Variants in QTGAL observed in about 807,000 individuals in gnomAD.
QTGAL encodes the protein BGnT-like protein 1.
At chr17:83,050,547 GA>G in the QTGAL span, among the ~76,000 whole-genome samples, 1 of 151,602 alleles carries the variant, frequency 6.6e-6, no homozygotes, top group Non-Finnish European at 1.5e-5. Context: ...AGTAAGACTG[GA>G]ATAAAAAAGA....
the QTGAL span, among the ~76,000 whole-genome samples, chr17:83,045,354 G>A: frequency 6.6e-6 from 1 of 152,172 alleles, no homozygotes; most frequent in African/African-American, 2.4e-5. Context: ...CTTTTAAATG[G>A]TGTTGGAAAA....
chr17:82,962,588 G>A, the QTGAL span, among the ~76,000 whole-genome samples: 4 of 121,782 alleles, frequency 3.3e-5, no homozygotes, highest in African/African-American at 1.1e-4. Context: ...TGTGGGTGCT[G>A]GTGGGCACGG....
At chr17:82,987,160 T>C in the QTGAL span, among the ~76,000 whole-genome samples, 3 of 152,248 alleles carry the variant, frequency 2.0e-5, no homozygotes, top group Non-Finnish European at 2.9e-5. Context: ...TACCCTAATA[T>C]AGTTATTACA....
the QTGAL span, among the ~76,000 whole-genome samples, chr17:82,964,316 C>A: frequency 2.1e-5 from 3 of 143,954 alleles, no homozygotes; most frequent in African/African-American, 7.7e-5. Context: ...ATTACAAAAT[C>A]CTTAAGAGAA....
At chr17:83,011,421 G>A in the QTGAL span, 7 of 152,296 alleles carry the variant, frequency 4.6e-5, no homozygotes, top group African/African-American at 1.7e-4. Flanking sequence ...AGAAAACAAC[G>A]ACCAAGTACA....
the QTGAL span, among the ~76,000 whole-genome samples, chr17:82,950,229 A>G: frequency 2.6e-5 from 4 of 152,114 alleles, no homozygotes; most frequent in African/African-American, 9.7e-5. Flanking sequence ...ACAAGGAGGA[A>G]CCTCTTTTCC....
the QTGAL span, among the ~76,000 whole-genome samples, chr17:83,010,275 G>A: frequency 1.3e-5 from 2 of 152,174 alleles, no homozygotes; most frequent in African/African-American, 4.8e-5. Flanking sequence ...CCTGAGCAGC[G>A]ATGTTGAAGG....
chr17:82,958,905 A>C, the QTGAL span, among the ~76,000 whole-genome samples: 1 of 64,062 alleles, frequency 1.6e-5, no homozygotes, highest in Non-Finnish European at 2.6e-5. Context: ...GTGTGTGTGT[A>C]TACTGTGTGG....
the QTGAL span, among the ~76,000 whole-genome samples, chr17:83,021,700 C>T: frequency 6.6e-6 from 1 of 152,128 alleles, no homozygotes; most frequent in East Asian, 1.9e-4. Context: ...AAAACCAACA[C>T]AACCATTTTG....
chr17:83,006,581 G>GC, the QTGAL span: 1 of 985,420 alleles, frequency 1.0e-6, no homozygotes, highest in Non-Finnish European at 1.2e-6. The surrounding 1 kb of genome is among the most constrained non-coding windows in gnomAD (Gnocchi z 5.8). Context: ...GCCCCTTACA[G>GC]CCACTGGCAG....
At chr17:83,051,749 C>T in the QTGAL span, 1 of 1,497,672 alleles carries the variant, frequency 6.7e-7, no homozygotes, top group Non-Finnish European at 8.8e-7. Context: ...CGTGGGCCTG[C>T]ATGGCCTGGC....
chr17:83,031,646 C>T, the QTGAL span, among the ~76,000 whole-genome samples: 2 of 152,250 alleles, frequency 1.3e-5, no homozygotes, highest in Non-Finnish European at 2.9e-5. Flanking sequence ...GAGGACAAGC[C>T]GTCTAGGCAG....
chr17:82,976,571 G>C, the QTGAL span, among the ~76,000 whole-genome samples: 1 of 101,260 alleles, frequency 9.9e-6, no homozygotes, highest in Non-Finnish European at 2.0e-5. Context: ...GCCACTTATG[G>C]GGAACAAGGG....
the QTGAL span, among the ~76,000 whole-genome samples, chr17:82,988,207 T>C: frequency 3.3e-5 from 5 of 152,180 alleles, no homozygotes; most frequent in African/African-American, 1.2e-4. Flanking sequence ...TAGGATCATG[T>C]TGTCTGCAAA....
the QTGAL span, among the ~76,000 whole-genome samples, chr17:83,025,743 G>A: frequency 1.3e-5 from 2 of 152,248 alleles, no homozygotes; most frequent in South Asian, 2.1e-4. Context: ...GGAGATCACA[G>A]AGACACAGTA....
chr17:83,036,088 C>T, the QTGAL span, among the ~76,000 whole-genome samples: 9 of 152,172 alleles, frequency 5.9e-5, no homozygotes, highest in Admixed American at 2.6e-4. Context: ...TACTGTGCGG[C>T]GTAAACCCAG....
chr17:82,977,215 G>A, the QTGAL span, among the ~76,000 whole-genome samples: 1 of 152,262 alleles, frequency 6.6e-6, no homozygotes, highest in African/African-American at 2.4e-5. Flanking sequence ...AAAGCAAGAG[G>A]AAAGGGGCTT....
chr17:83,006,390 T>C, the QTGAL span: 6 of 985,460 alleles, frequency 6.1e-6, no homozygotes, highest in Non-Finnish European at 7.2e-6. The surrounding 1 kb of genome is among the most constrained non-coding windows in gnomAD (Gnocchi z 5.8). Flanking sequence ...TTAATTAAAC[T>C]TACTTTGAGA....
chr17:83,032,524 G>A, the QTGAL span, among the ~76,000 whole-genome samples: 25 of 151,546 alleles, frequency 1.6e-4, 3 homozygotes, highest in South Asian at 5.2e-3. Flanking sequence ...GTCAGACCAG[G>A]CCAGGCCTCC....
Sources: allele counts gnomAD v4.1 joint callset (sites outside exome capture counted in the v4.1 genomes callset), GRCh38; gene constraint gnomAD v4.1.1; non-coding constraint Gnocchi (gnomAD v3.1); transcripts MANE v1.5; gene names NCBI Gene and HGNC (gene_info 2026-07-23, HGNC 2026-07-21).